The following FZR1 variants were observed in gnomAD, a reference collection of about 807,000 sequenced individuals.
FZR1 encodes the protein fizzy-related protein homolog.
FZR1 carries 11 observed loss-of-function variants against 63.6 expected under a neutral mutation model. The observed-to-expected ratio is 0.17, with a 90% CI of 0.11 to 0.29. The LOEUF is 0.29. Among genes scored for constraint, FZR1 ranks in the 10% least tolerant of loss-of-function variants. The pLI, the probability that FZR1 is intolerant of heterozygous loss-of-function variation, is 1.00. For missense variants in FZR1, 440 were observed against 687.5 expected, an observed-to-expected ratio of 0.64 and a Z score of 4.03; for synonymous variants, 328 against 297.9, an observed-to-expected ratio of 1.10 and a Z score of -1.04.
At position 3,516,504 on chromosome 19, in the gene FZR1, A is replaced by G. The variant is rs1292388807; in HGVS notation, c.-34-6452A>G. Reference sequence around the variant, plus strand: ...CTGGATTTTGTTCTTCCTGCAGCGCAGCTGAGCGAGGGGCTTAGAGGGGTC... The same window carrying G: ...CTGGATTTTGTTCTTCCTGCAGCGCGGCTGAGCGAGGGGCTTAGAGGGGTC... On this transcript the variant is annotated intron_variant, in intron 1 of 13. Transcript: ENST00000441788. The surrounding 1 kb of genome is among the most constrained non-coding windows in gnomAD (Gnocchi z 6.0). Among the ~76,000 whole-genome samples, 1 of 152,194 alleles carries G rather than the reference A, an allele frequency of 6.6e-6. No homozygotes were observed. Among genetic ancestry groups the G allele is most frequent in the East Asian group, 1.9e-4 (1 of 5,196 alleles).
At position 3,526,047 on chromosome 19, in the gene FZR1, C is replaced by A. The variant is rs2083153715; in HGVS notation, c.195+54C>A. The A allele has an allele frequency of 1.2e-6, 2 of 1,611,792 alleles. No homozygotes were observed. The highest frequency in any genetic ancestry group is 8.5e-7 in the Non-Finnish European group (1 of 1,179,344). The stretch of plus-strand genomic sequence containing the variant: ...ACCCCCCGGGAAGCCCAGGGCCCCT[C>A]CCAGCCTCCTTGCTCTAGGGCCGGG... On this transcript the variant is annotated intron_variant, in intron 3 of 13. Transcript: ENST00000441788. This position sits in a 1 kb window ranked among gnomAD's most constrained non-coding sequence, Gnocchi z 5.4.
Position 3,530,844 on chromosome 19 carries a change from G to A in FZR1, c.707G>A (p.Gly236Asp). The change falls in exon 8 of 14, where the codon GGC (glycine) becomes GAC (aspartate). Residue 236 changes from glycine to aspartate, a missense_variant. Physicochemically the swap from Gly to Asp is moderately conservative, Grantham distance 94. This residue lies in a region of FZR1 where 208 missense variants were observed against 363.6 expected (regional missense o/e 0.57). Transcript: ENST00000441788. ...GAAGGGGACTCAGTGACCTCCGTGG[G>A]CTGGTCTGAGCGGGTGAGTGCAGAG... ...SVEGDSVTSV[G>D]WSERGNLVAV... is the part of the protein sequence containing the mutation. 6.2e-7 allele frequency: 1 copy of A among 1,612,612 alleles called. No individual in the cohort carries two copies. Among genetic ancestry groups the A allele is most frequent in the Non-Finnish European group, 8.5e-7 (1 of 1,179,374 alleles).
intron 1 of FZR1, among the ~76,000 whole-genome samples, chr19:3,519,280 G>A (rs1441421524): frequency 6.6e-6 from 1 of 152,246 alleles, no homozygotes; most frequent in Admixed American, 6.5e-5. Flanking sequence ...CCTGGGGTCA[G>A]GACCCTACGC....
chr19:3,530,724 G>T (rs2083238487), intron 7 of FZR1, 68 bp from the exon 8 acceptor site: 2 of 1,159,438 alleles, frequency 1.7e-6, no homozygotes, highest in Non-Finnish European at 2.5e-6. Flanking sequence ...GTGGAGGGAT[G>T]AATGTACCCA....
In FZR1 at chr19:3,531,790, T is replaced by C. The variant is rs140377183; in HGVS notation, c.797T>C (p.Met266Thr). ...WDAAAGKKLS[M>T]LEGHTARVGA... ...GCAGCCGCAGGGAAGAAGCTGTCCA[T>C]GTTGGAGGGCCACACGGCACGCGTC... The change falls in exon 9 of 14, where the codon ATG becomes ACG. Residue 266 changes from methionine to threonine, a missense_variant. By Grantham distance (81) the Met-to-Thr change is moderately conservative. Around this residue, in one of 5 missense-constraint regions of FZR1, gnomAD observed 208 missense variants for 363.6 expected, o/e 0.57. Transcript: ENST00000441788. 150 of 1,550,396 alleles carry C rather than the reference T, an allele frequency of 9.7e-5. No homozygotes were observed. Among genetic ancestry groups the C allele is most frequent in the African/African-American group, 7.4e-4 (54 of 73,162 alleles).
intron 7 of FZR1, among the ~76,000 whole-genome samples, chr19:3,529,921 TGAGCGGATGGGA>T (rs1195657159): frequency 1.9e-5 from 1 of 53,446 alleles, no homozygotes; most frequent in African/African-American, 6.7e-5. Context: ...AGCGGATGGG[TGAGCGGATGGGA>T]GAGCGCATGG....
At chr19:3,523,184 A>G (rs1472880763) in intron 2 of FZR1, 126 bp downstream of exon 2, 8 of 729,252 alleles carry the variant, frequency 1.1e-5, no homozygotes, top group Non-Finnish European at 1.8e-5. Context: ...CCAGTCCCCC[A>G]GGTCACACGG....
At position 3,515,507 on chromosome 19, in the gene FZR1, G is replaced by A. The variant is rs1326959970; in HGVS notation, c.-34-7449G>A. 5.9e-5 allele frequency among the ~76,000 whole-genome samples: 9 copies of A among 152,084 alleles called. No homozygotes were observed. Among genetic ancestry groups the A allele is most frequent in the Admixed American group, 5.2e-4 (8 of 15,260 alleles). On this transcript the variant is annotated intron_variant, in intron 1 of 13. Transcript: ENST00000441788. This position sits in a 1 kb window ranked among gnomAD's most constrained non-coding sequence, Gnocchi z 4.6. ...GTACAGGCCGGGCGCGGTGGCTCAC[G>A]CTTGTAATCCCAGCACTTTGGGAGG...
chr19:3,530,699 T>G, intron 7 of FZR1, 93 bp from the exon 8 acceptor site: 1 of 875,654 alleles, frequency 1.1e-6, no homozygotes, highest in East Asian at 2.7e-5. Flanking sequence ...TGGATGAGAG[T>G]GGATGGGTGA....
At chr19:3,534,568 C>A in intron 13 of FZR1, 55 bp downstream of exon 13, 1 of 1,218,802 alleles carries the variant, frequency 8.2e-7, no homozygotes, top group Non-Finnish European at 1.2e-6. Context: ...GTCCCAGGGT[C>A]GTCCCTGTCC....
At chr19:3,519,281 G>A (rs575658263) in intron 1 of FZR1, among the ~76,000 whole-genome samples, 1 of 152,348 alleles carries the variant, frequency 6.6e-6, no homozygotes, top group African/African-American at 2.4e-5. Flanking sequence ...CTGGGGTCAG[G>A]ACCCTACGCC....
At chr19:3,528,162 T>C (rs2083181345) in intron 7 of FZR1, among the ~76,000 whole-genome samples, 1 of 152,144 alleles carries the variant, frequency 6.6e-6, no homozygotes, top group East Asian at 1.9e-4. Flanking sequence ...AAGAGACAGG[T>C]GTCCCAGCCT....
rs776120989 is a variant in FZR1 at position 3,522,968 on chromosome 19, G to T, written c.-22G>T. On this transcript the variant is annotated 5_prime_UTR_variant, in exon 2 of 14. Transcript: ENST00000441788. Reference sequence around the variant, plus strand: ...CTTCCCGCTGCAGGCTAACCTTGCCGCGGGCCGAGCCCTGCCTCGCCATGG... The same window carrying T: ...CTTCCCGCTGCAGGCTAACCTTGCCTCGGGCCGAGCCCTGCCTCGCCATGG... 1.9e-6 allele frequency: 3 copies of T among 1,591,754 alleles called. No individual in the cohort carries two copies. The highest frequency in any genetic ancestry group is 1.3e-5 in the African/African-American group (1 of 74,510).
chr19:3,516,970 A>G lies in FZR1; in HGVS notation c.-34-5986A>G, dbSNP rs556715713. 1.3e-5 allele frequency among the ~76,000 whole-genome samples: 2 copies of G among 152,398 alleles called. No homozygotes were observed. The highest frequency in any genetic ancestry group is 1.5e-5 in the Non-Finnish European group (1 of 68,042). ...CTTTCAGTGCTGACTTCAGGGCAGC[A>G]TCAGTGTTCTGGGGAAGTGGGGGAT... On this transcript the variant is annotated intron_variant, in intron 1 of 13. Transcript: ENST00000441788. This position sits in a 1 kb window ranked among gnomAD's most constrained non-coding sequence, Gnocchi z 6.0.
Position 3,516,710 on chromosome 19 carries a change from G to A in FZR1, c.-34-6246G>A, listed in dbSNP as rs532112805. ...CACTGCAGGGACAGACAGGAGCTGG[G>A]TCTCAGGCTGCTGGGCAGGCCTGGG... On this transcript the variant is annotated intron_variant, in intron 1 of 13. Transcript: ENST00000441788. The surrounding 1 kb of genome is among the most constrained non-coding windows in gnomAD (Gnocchi z 6.0). Among the ~76,000 whole-genome samples, 1 of 152,362 alleles carries A rather than the reference G, an allele frequency of 6.6e-6. No individual in the cohort carries two copies. The highest frequency in any genetic ancestry group is 6.5e-5 in the Admixed American group (1 of 15,312).
Position 3,536,305 on chromosome 19 carries a change from T to C in FZR1, c.*1469T>C, listed in dbSNP as rs2029963176. On this transcript the variant is annotated 3_prime_UTR_variant, in exon 14 of 14. Coordinates refer to ENST00000441788, the MANE Select transcript of FZR1 (RefSeq NM_016263.4). The stretch of plus-strand genomic sequence containing the variant: ...ATGAGGTCCTGGTTTTAAAGCCCCG[T>C]CATTTCAAGCGGGTCGATCTTCCAC... The C allele has an allele frequency of 6.6e-6, 1 of 152,140 alleles. No individual in the cohort carries two copies. The highest frequency in any genetic ancestry group is 1.5e-5 in the Non-Finnish European group (1 of 68,040). 9.4% of individuals were successfully genotyped at this position (152,140 alleles called of 1,614,324 possible). A position where few individuals can be genotyped will look rare whatever the true frequency, so the allele number is the denominator to read the frequency against.
At chr19:3,532,280 G>A in intron 10 of FZR1, 137 bp from the exon 11 acceptor site, 1 of 837,914 alleles carries the variant, frequency 1.2e-6, no homozygotes, top group Non-Finnish European at 1.8e-6. Flanking sequence ...TGACGAGTGT[G>A]TGCCCCCAGG....
intron 12 of FZR1, among the ~76,000 whole-genome samples, chr19:3,534,079 G>A (rs899385509): frequency 2.6e-5 from 4 of 151,922 alleles, no homozygotes; most frequent in African/African-American, 9.7e-5. Context: ...TTTAAATGAG[G>A]TGTGGTGGTG....
At chr19:3,530,735 TG>T in intron 7 of FZR1, 56 bp from the exon 8 acceptor site, 2 of 1,322,988 alleles carry the variant, frequency 1.5e-6, no homozygotes, top group Non-Finnish European at 2.2e-6. Context: ...AATGTACCCA[TG>T]GATAGACTGG....
Sources: allele counts gnomAD v4.1 joint callset (sites outside exome capture counted in the v4.1 genomes callset), GRCh38; gene constraint gnomAD v4.1.1; regional missense constraint gnomAD v4.1.1; non-coding constraint Gnocchi (gnomAD v3.1); transcripts MANE v1.5; gene names NCBI Gene and HGNC (gene_info 2026-07-23, HGNC 2026-07-21).